Variants in HEMK2 observed in about 807,000 individuals in gnomAD.
HEMK2 encodes the protein HemK methyltransferase 2, ETF1 glutamine and histone H4 lysine.
At chr21:28,783,261 T>G in the HEMK2 span, among the ~76,000 whole-genome samples, 1 of 152,150 alleles carries the variant, frequency 6.6e-6, no homozygotes, top group Non-Finnish European at 1.5e-5. Context: ...CCCAGATCAC[T>G]GCAACCTCTG....
At chr21:28,695,110 T>G in the HEMK2 span, among the ~76,000 whole-genome samples, 2 of 152,212 alleles carry the variant, frequency 1.3e-5, no homozygotes, top group African/African-American at 4.8e-5. Context: ...GACTTTCTTA[T>G]GCCCAAAATA....
At chr21:28,834,855 G>A in the HEMK2 span, among the ~76,000 whole-genome samples, 725 of 152,164 alleles carry the variant, frequency 4.8e-3, 5 homozygotes, top group African/African-American at 0.016. Flanking sequence ...AGCTGGGTGA[G>A]GCCTGTAACT....
chr21:28,594,153 A>C, the HEMK2 span, among the ~76,000 whole-genome samples: 2 of 152,338 alleles, frequency 1.3e-5, no homozygotes, highest in East Asian at 3.8e-4. Flanking sequence ...GACATTTTAC[A>C]AAATATCTGA....
chr21:28,815,425 T>C, the HEMK2 span, among the ~76,000 whole-genome samples: 3 of 151,548 alleles, frequency 2.0e-5, 1 homozygote, highest in African/African-American at 7.3e-5. Flanking sequence ...GAAGGCAGCC[T>C]TGAAGATGCT....
the HEMK2 span, among the ~76,000 whole-genome samples, chr21:28,663,562 C>T: frequency 6.6e-6 from 1 of 152,224 alleles, no homozygotes; most frequent in Non-Finnish European, 1.5e-5. Context: ...ACTATCCCAT[C>T]ACATGGCCCA....
chr21:28,803,353 T>C, the HEMK2 span, among the ~76,000 whole-genome samples: 6 of 152,246 alleles, frequency 3.9e-5, no homozygotes, highest in Non-Finnish European at 5.9e-5. Flanking sequence ...TGCAAAATAA[T>C]AGAATCTTAA....
chr21:28,723,860 C>A, the HEMK2 span, among the ~76,000 whole-genome samples: 3 of 152,192 alleles, frequency 2.0e-5, no homozygotes, highest in African/African-American at 7.2e-5. Context: ...CCAGCACTGC[C>A]TTGCCATGGT....
At chr21:28,729,545 A>G in the HEMK2 span, among the ~76,000 whole-genome samples, 11 of 151,444 alleles carry the variant, frequency 7.3e-5, no homozygotes, top group East Asian at 1.2e-3. Flanking sequence ...GGGGTGTCCA[A>G]TCTTTTGGCT....
the HEMK2 span, among the ~76,000 whole-genome samples, chr21:28,653,676 A>G: frequency 6.6e-6 from 1 of 152,186 alleles, no homozygotes; most frequent in Non-Finnish European, 1.5e-5. Flanking sequence ...TGCCCACAAG[A>G]ATAAATAAAT....
chr21:28,630,926 T>G, the HEMK2 span, among the ~76,000 whole-genome samples: 1 of 152,002 alleles, frequency 6.6e-6, no homozygotes, highest in South Asian at 2.1e-4. Flanking sequence ...ACTTAAAGTA[T>G]AATAATAATA....
the HEMK2 span, among the ~76,000 whole-genome samples, chr21:28,880,201 T>C: frequency 6.6e-6 from 1 of 152,206 alleles, no homozygotes; most frequent in Non-Finnish European, 1.5e-5. Context: ...AGCACATATA[T>C]TTATATTCTG....
chr21:28,623,311 G>A, the HEMK2 span, among the ~76,000 whole-genome samples: 4 of 152,154 alleles, frequency 2.6e-5, no homozygotes, highest in African/African-American at 7.2e-5. Flanking sequence ...TTAGAATAGC[G>A]ATCATTAAAA....
the HEMK2 span, chr21:28,626,436 T>C: frequency 6.6e-6 from 1 of 152,122 alleles, no homozygotes; most frequent in Non-Finnish European, 1.5e-5. Context: ...AAGAAAATGA[T>C]ATGGCAAGCA....
the HEMK2 span, among the ~76,000 whole-genome samples, chr21:28,851,237 G>A: frequency 6.6e-6 from 1 of 152,120 alleles, no homozygotes; most frequent in African/African-American, 2.4e-5. Context: ...ACCTACAGGG[G>A]CCTGCCAAAG....
the HEMK2 span, among the ~76,000 whole-genome samples, chr21:28,672,722 AAGCAACCAAATGCCCT>A: frequency 8.5e-5 from 13 of 152,130 alleles, no homozygotes; most frequent in Non-Finnish European, 1.5e-4. Context: ...GTATGACTCA[AAGCAACCAAATGCCCT>A]GCTCTTTTTC....
the HEMK2 span, among the ~76,000 whole-genome samples, chr21:28,626,315 G>A: frequency 1.3e-5 from 2 of 152,138 alleles, no homozygotes; most frequent in East Asian, 3.9e-4. Flanking sequence ...AGTAAACTTT[G>A]ATAAGTTTTA....
the HEMK2 span, among the ~76,000 whole-genome samples, chr21:28,876,799 A>G: frequency 6.6e-6 from 1 of 152,056 alleles, no homozygotes; most frequent in Non-Finnish European, 1.5e-5. Flanking sequence ...TTTTTAGTTG[A>G]TTGGCTCCAA....
the HEMK2 span, among the ~76,000 whole-genome samples, chr21:28,676,404 C>A: frequency 3.3e-5 from 5 of 152,182 alleles, no homozygotes; most frequent in African/African-American, 1.2e-4. Context: ...CTTCAAAGAC[C>A]CTATTTCCAA....
the HEMK2 span, among the ~76,000 whole-genome samples, chr21:28,828,687 T>C: frequency 6.6e-6 from 1 of 152,158 alleles, no homozygotes; most frequent in Non-Finnish European, 1.5e-5. Flanking sequence ...CAGAAAATGT[T>C]CCCTTTCTTC....
Sources: gnomAD v4.1 joint callset for allele counts (sites outside exome capture counted in the v4.1 genomes callset) on GRCh38, gnomAD v4.1.1 for gene constraint, MANE v1.5 for transcripts, NCBI Gene and HGNC (gene_info 2026-07-23, HGNC 2026-07-21) for gene names.